Variants in PLD5 observed in about 807,000 individuals in gnomAD.
PLD5 encodes the protein inactive phospholipase D5.
PLD5 carries 36 observed loss-of-function variants against 61.1 expected under a neutral mutation model. The observed-to-expected ratio is 0.59, with a 90% CI of 0.45 to 0.78. The LOEUF (loss-of-function observed/expected upper bound fraction) is 0.78. Ranked by LOEUF, PLD5 falls within the 30% of genes least tolerant of loss-of-function variation. The probability of loss-of-function intolerance (pLI) is 0.00; values close to 1 mark genes in which losing one functional copy is unlikely to be tolerated. For missense variants in PLD5, 515 were observed against 644.4 expected (o/e 0.80, Z 2.17); for synonymous variants, 243 against 242.8 (o/e 1.00, Z -0.01).
At chr1:242,413,894 G>T (rs1314666161) in intron 1 of PLD5, among the ~76,000 whole-genome samples, 1 of 152,180 alleles carries the variant, frequency 6.6e-6, no homozygotes, top group East Asian at 1.9e-4. Flanking sequence ...AGGAGAAGGA[G>T]TAGGGAGAGC....
intron 6 of PLD5, among the ~76,000 whole-genome samples, chr1:242,116,026 T>C (rs149793421): frequency 1.2e-4 from 18 of 152,112 alleles, no homozygotes; most frequent in African/African-American, 4.3e-4. Flanking sequence ...TGTTTTACTT[T>C]GACAAGCGAT....
chr1:242,407,979 G>A (rs544280665), intron 1 of PLD5, among the ~76,000 whole-genome samples: 12 of 152,248 alleles, frequency 7.9e-5, no homozygotes, highest in Admixed American at 3.3e-4. Flanking sequence ...ATCACTGCAC[G>A]TAGCTATTAA....
At chr1:242,162,367 G>T (rs1349577392) in intron 5 of PLD5, among the ~76,000 whole-genome samples, 2 of 152,042 alleles carry the variant, frequency 1.3e-5, no homozygotes, top group Admixed American at 6.6e-5. Flanking sequence ...CCTTGGCAGG[G>T]TACTAATTTA....
intron 3 of PLD5, among the ~76,000 whole-genome samples, chr1:242,268,135 T>TA (rs1420404150): frequency 4.6e-5 from 7 of 152,150 alleles, no homozygotes; most frequent in African/African-American, 2.4e-5. Flanking sequence ...TTGACACCAA[T>TA]AATACCTCCT....
At chr1:242,319,949 T>C (rs553896522) in intron 2 of PLD5, among the ~76,000 whole-genome samples, 107 of 152,374 alleles carry the variant, frequency 7.0e-4, no homozygotes, top group African/African-American at 2.3e-3. Flanking sequence ...TTTTTCTTCT[T>C]TCTCTTTCCC....
intron 9 of PLD5, among the ~76,000 whole-genome samples, chr1:242,095,018 C>T (rs1295796652): frequency 1.3e-5 from 2 of 151,370 alleles, no homozygotes; most frequent in African/African-American, 4.9e-5. Context: ...CTCACTGCAA[C>T]CTCCACCTCC....
intron 2 of PLD5, among the ~76,000 whole-genome samples, chr1:242,308,182 A>G (rs1463048996): frequency 6.6e-6 from 1 of 152,106 alleles, no homozygotes; most frequent in Admixed American, 6.5e-5. Flanking sequence ...CTTCTGATTC[A>G]CTTCCAATCA....
intron 1 of PLD5, among the ~76,000 whole-genome samples, chr1:242,522,242 T>C (rs1194625769): frequency 6.6e-6 from 1 of 152,186 alleles, no homozygotes; most frequent in African/African-American, 2.4e-5. Context: ...TATGCAATGC[T>C]CTCTTTTGGA....
At chr1:242,092,616 G>A (rs187092396) in intron 9 of PLD5, among the ~76,000 whole-genome samples, 19 of 152,164 alleles carry the variant, frequency 1.2e-4, no homozygotes, top group East Asian at 3.9e-4. Flanking sequence ...TTGGCCTTCC[G>A]TCCCCTCTGC....
intron 8 of PLD5, among the ~76,000 whole-genome samples, chr1:242,104,608 T>C (rs1339432879): frequency 6.6e-6 from 1 of 152,212 alleles, no homozygotes; most frequent in South Asian, 2.1e-4. Context: ...AGAGAGGTTA[T>C]TTAATGTATG....
chr1:242,245,018 T>A (rs1672275968), intron 4 of PLD5, among the ~76,000 whole-genome samples: 1 of 152,210 alleles, frequency 6.6e-6, no homozygotes, highest in African/African-American at 2.4e-5. Context: ...ACTCAGCTTA[T>A]GAGTAAGTTT....
Position 242,173,850 on chromosome 1 carries a change from G to A in PLD5, c.735+46138C>T, listed in dbSNP as rs149804183. On this transcript the variant is annotated intron_variant, in intron 5 of 9. Coordinates refer to ENST00000536534, the MANE Select transcript of PLD5 (RefSeq NM_001372062.1). ...TGGGAAAACTGGCTAGCCATATGTA[G>A]AAAGCTGAAACTGGATCCCTTCCTT... Among the ~76,000 whole-genome samples, 580 of 152,300 alleles carry A rather than the reference G, an allele frequency of 3.8e-3. 3 individuals carry two copies. The highest frequency in any genetic ancestry group is 0.013 in the African/African-American group (553 of 41,574).
intron 1 of PLD5, chr1:242,449,474 C>G (rs556148142): frequency 6.5e-7 from 1 of 1,531,294 alleles, no homozygotes; most frequent in African/African-American, 1.4e-5. Context: ...GTGGCACAAA[C>G]GTATCACCAC....
rs1328152571 is a variant in PLD5, at chr1:242,085,786, C to A, written c.*4068G>T. 2.6e-5 allele frequency: 4 copies of A among 151,670 alleles called. No homozygotes were observed. The highest frequency in any genetic ancestry group is 5.9e-5 in the Non-Finnish European group (4 of 67,974). The allele number at this position is 151,670 out of a possible 1,614,324, so 9.4% of individuals were successfully genotyped here. On this transcript the variant is annotated 3_prime_UTR_variant, in exon 10 of 10. Coordinates refer to ENST00000536534, the MANE Select transcript of PLD5 (RefSeq NM_001372062.1). ...CATTATAGGAAGTGGCTGTTCTATG[C>A]AAGTAATGGCAGCGTTTTACATTCC...
chr1:242,297,405 T>A (rs1675741055), intron 2 of PLD5, among the ~76,000 whole-genome samples: 1 of 168 alleles, frequency 6.0e-3, no homozygotes, highest in African/African-American at 0.018. Flanking sequence ...CTTCAAGACT[T>A]TTTTTTTTTT....
At chr1:242,369,452 T>C (rs1661514725) in intron 1 of PLD5, among the ~76,000 whole-genome samples, 1 of 152,170 alleles carries the variant, frequency 6.6e-6, no homozygotes, top group African/African-American at 2.4e-5. Context: ...TGCAGCATTA[T>C]TTGTGAAAAA....
chr1:242,159,365 G>A (rs541370267), intron 5 of PLD5, among the ~76,000 whole-genome samples: 5 of 152,286 alleles, frequency 3.3e-5, no homozygotes, highest in East Asian at 3.9e-4. Context: ...TTTGCAAGGT[G>A]TGTGTTGTCA....
At chr1:242,400,459 G>A (rs1299198969) in intron 1 of PLD5, among the ~76,000 whole-genome samples, 1 of 152,062 alleles carries the variant, frequency 6.6e-6, no homozygotes, top group Non-Finnish European at 1.5e-5. Context: ...CCTCAATTAT[G>A]CAAAGAGTAA....
chr1:242,410,440 G>T (rs1335530473), intron 1 of PLD5, among the ~76,000 whole-genome samples: 2 of 151,926 alleles, frequency 1.3e-5, no homozygotes, highest in African/African-American at 4.8e-5. Context: ...TAGAGATACT[G>T]CTTTGAACTT....
Sources: gnomAD v4.1 joint callset for allele counts (sites outside exome capture counted in the v4.1 genomes callset) on GRCh38, gnomAD v4.1.1 for gene constraint, MANE v1.5 for transcripts, NCBI Gene and HGNC (gene_info 2026-07-23, HGNC 2026-07-21) for gene names.